The following TMEM26 variants were observed in gnomAD, a reference collection of about 807,000 sequenced individuals.
The protein encoded by TMEM26 is transmembrane protein 26.
In TMEM26, 38 loss-of-function variants were observed where a neutral mutation model predicts 28.8. The observed-to-expected ratio is 1.32, with a 90% CI of 1.02 to 1.73. The LOEUF (loss-of-function observed/expected upper bound fraction) is 1.73. TMEM26 is among the 40% of genes most tolerant of loss of function. TMEM26 has a pLI of 0.00. For synonymous variants in TMEM26, 227 were observed against 182.9 expected, an observed-to-expected ratio of 1.24 and a Z score of -1.95; for missense variants, 518 against 447.1, an observed-to-expected ratio of 1.16 and a Z score of -1.43.
rs1286492661 is a variant in TMEM26 at position 61,452,542 on chromosome 10, A to G, written c.191+349T>C. On this transcript the variant is annotated intron_variant, in intron 1 of 5. Transcript: ENST00000399298. ...CACACACCCCAGTTTCAGAAGGCAC[A>G]CTACATGGCAACCTCCTTGTCCCAA... is the stretch of plus-strand genomic sequence containing the variant. 5 of 239,028 alleles carry G rather than the reference A, an allele frequency of 2.1e-5. No homozygotes were observed. The South Asian group carries it at 2.3e-4, about 11-fold the overall frequency. The allele number at this position is 239,028 out of a possible 1,614,324, so 14.8% of individuals were successfully genotyped here.
rs1218547758 is a variant in TMEM26, at chr10:61,452,871, C to A, written c.191+20G>T. The A allele has an allele frequency of 3.7e-6, 6 of 1,603,908 alleles. No individual in the cohort carries two copies. The highest frequency in any genetic ancestry group is 5.1e-6 in the Non-Finnish European group (6 of 1,171,572). ...TACCCTAGGGCCCCGTGCGCCCTCG[C>A]TTTCCCGGGGCACTCTCACCATTTG... On this transcript the variant is annotated intron_variant, in intron 1 of 5. Transcript: ENST00000399298.
chr10:61,432,427 G>A (rs867390940), intron 2 of TMEM26, among the ~76,000 whole-genome samples: 4 of 151,952 alleles, frequency 2.6e-5, no homozygotes, highest in Admixed American at 6.6e-5. Context: ...CTGGGAATCC[G>A]AGGTAAAGTA....
At chr10:61,416,373 A>G (rs1030153839) in intron 4 of TMEM26, among the ~76,000 whole-genome samples, 1 of 152,084 alleles carries the variant, frequency 6.6e-6, no homozygotes, top group Non-Finnish European at 1.5e-5. Flanking sequence ...CTAATTCCAG[A>G]TTGATCAGTT....
At chr10:61,446,809 C>T (rs1840188650) in intron 1 of TMEM26, among the ~76,000 whole-genome samples, 1 of 88,240 alleles carries the variant, frequency 1.1e-5, no homozygotes, top group East Asian at 3.7e-4. Flanking sequence ...CAGAGCGAGA[C>T]TCCATCTCAA....
At chr10:61,442,818 C>T (rs1840115398) in intron 1 of TMEM26, among the ~76,000 whole-genome samples, 1 of 152,216 alleles carries the variant, frequency 6.6e-6, no homozygotes, top group Admixed American at 6.5e-5. Context: ...TGTATGATTT[C>T]CATCAAGGCT....
chr10:61,416,044 T>C (rs1268349240), intron 4 of TMEM26: 1 of 444,914 alleles, frequency 2.2e-6, no homozygotes, highest in East Asian at 7.1e-5. Flanking sequence ...AAGTAGTTTC[T>C]AATAATATTA....
Position 61,452,880 on chromosome 10 carries a change from G to A in TMEM26, c.191+11C>T, listed in dbSNP as rs752992713. The stretch of plus-strand genomic sequence containing the variant: ...GCCCCGTGCGCCCTCGCTTTCCCGG[G>A]GCACTCTCACCATTTGTAGCCTCTG... On this transcript the variant is annotated intron_variant, in intron 1 of 5. Transcript: ENST00000399298. 3 of 1,605,916 alleles carry A rather than the reference G, an allele frequency of 1.9e-6. No homozygotes were observed. The Admixed American group carries it at 5.0e-5, about 27-fold the overall frequency.
intron 5 of TMEM26, among the ~76,000 whole-genome samples, chr10:61,412,367 T>A (rs185527834): frequency 8.5e-5 from 13 of 152,068 alleles, no homozygotes; most frequent in African/African-American, 3.1e-4. Flanking sequence ...TGTTAATAAT[T>A]CCAAAAAGAG....
At chr10:61,420,982 T>G (rs1306647465) in intron 4 of TMEM26, among the ~76,000 whole-genome samples, 1 of 152,030 alleles carries the variant, frequency 6.6e-6, no homozygotes, top group African/African-American at 2.4e-5. Context: ...ATTATTTTAT[T>G]TATAACATAC....
At chr10:61,413,697 T>C in intron 4 of TMEM26, 162 bp from the exon 5 acceptor site, 1 of 1,316,682 alleles carries the variant, frequency 7.6e-7, no homozygotes. Flanking sequence ...ATGATAATAA[T>C]GGAATAATGA....
intron 4 of TMEM26, among the ~76,000 whole-genome samples, chr10:61,422,451 T>C (rs1425480548): frequency 2.6e-5 from 4 of 152,012 alleles, no homozygotes; most frequent in African/African-American, 2.4e-5. Context: ...CAATTTAAAG[T>C]AGATCCTCAG....
At position 61,408,815 on chromosome 10, in the gene TMEM26, G is replaced by C. The variant is rs759020740; in HGVS notation, c.*1507C>G. The C allele has an allele frequency of 3.9e-5, 6 of 152,076 alleles. No homozygotes were observed. The highest frequency in any genetic ancestry group is 5.9e-5 in the Non-Finnish European group (4 of 68,014). The allele number at this position is 152,076 out of a possible 1,614,324, so 9.4% of individuals were successfully genotyped here. A position where few individuals can be genotyped will look rare whatever the true frequency, so the allele number is the denominator to read the frequency against. ...AAGAAATAAAAAACATATAACAATGGCACTGAAGAAGCCATTTATGAGAAA... is the reference window on the plus strand; with the variant it reads ...AAGAAATAAAAAACATATAACAATGCCACTGAAGAAGCCATTTATGAGAAA... On this transcript the variant is annotated 3_prime_UTR_variant, in exon 6 of 6. Coordinates refer to ENST00000399298, the MANE Select transcript of TMEM26 (RefSeq NM_178505.8).
intron 1 of TMEM26, among the ~76,000 whole-genome samples, chr10:61,436,989 A>G (rs1280106721): frequency 1.3e-5 from 2 of 152,160 alleles, no homozygotes; most frequent in Admixed American, 6.5e-5. Context: ...GCATCAGCCA[A>G]CTCAGGCTGC....
intron 1 of TMEM26, among the ~76,000 whole-genome samples, chr10:61,447,429 T>C (rs1482100923): frequency 2.0e-5 from 3 of 152,228 alleles, no homozygotes; most frequent in Non-Finnish European, 2.9e-5. Context: ...TCAAATGCAA[T>C]TGAGTGATCT....
At chr10:61,412,463 T>C (rs1425712119) in intron 5 of TMEM26, among the ~76,000 whole-genome samples, 1 of 152,178 alleles carries the variant, frequency 6.6e-6, no homozygotes, top group Non-Finnish European at 1.5e-5. Context: ...ATCTCTGTCC[T>C]AAGGATTAAT....
chr10:61,432,494 A>G (rs1839938082), intron 2 of TMEM26, among the ~76,000 whole-genome samples: 1 of 152,162 alleles, frequency 6.6e-6, no homozygotes, highest in Non-Finnish European at 1.5e-5. Context: ...ATGTAGCTGT[A>G]CCCAATGAAA....
At chr10:61,442,797 G>A (rs866391726) in intron 1 of TMEM26, among the ~76,000 whole-genome samples, 2 of 152,162 alleles carry the variant, frequency 1.3e-5, no homozygotes, top group African/African-American at 4.8e-5. Context: ...TTGTCTAAGT[G>A]GGCCTTAACA....
At chr10:61,451,092 A>G (rs999631608) in intron 1 of TMEM26, among the ~76,000 whole-genome samples, 2 of 152,160 alleles carry the variant, frequency 1.3e-5, no homozygotes, top group Non-Finnish European at 2.9e-5. Context: ...TATCTGTCTG[A>G]TTTTGAGGTG....
chr10:61,421,725 A>G (rs998291429), intron 4 of TMEM26, among the ~76,000 whole-genome samples: 3 of 152,160 alleles, frequency 2.0e-5, no homozygotes, highest in African/African-American at 7.2e-5. Flanking sequence ...AGAGCCTCCA[A>G]TAGGAACCAG....
Sources: allele counts gnomAD v4.1 joint callset (sites outside exome capture counted in the v4.1 genomes callset), GRCh38; gene constraint gnomAD v4.1.1; transcripts MANE v1.5; gene names NCBI Gene and HGNC (gene_info 2026-07-23, HGNC 2026-07-21).